Variants in CRHR1 observed in about 807,000 individuals in gnomAD.
CRHR1 encodes corticotropin-releasing hormone receptor 1.
In CRHR1, 28 loss-of-function variants were observed where a neutral mutation model predicts 56.0. The observed-to-expected ratio is 0.50, with a 90% CI of 0.37 to 0.69. CRHR1 has a LOEUF of 0.69. Among genes scored for constraint, CRHR1 ranks in the 30% least tolerant of loss-of-function variants. The pLI is 0.00. For synonymous variants in CRHR1, 195 were observed against 216.5 expected, an observed-to-expected ratio of 0.90 and a Z score of 0.87; for missense variants, 376 against 548.0, an observed-to-expected ratio of 0.69 and a Z score of 3.13.
intron 5 of CRHR1, 76 bp from the exon 6 acceptor site, chr17:45,830,018 T>G (rs918130785): frequency 1.3e-6 from 2 of 1,595,558 alleles, no homozygotes; most frequent in Non-Finnish European, 1.7e-6. Context: ...ACATCTGGGC[T>G]GGGGTGATGG....
chr17:45,802,538 A>G (rs759708955), intron 1 of CRHR1, among the ~76,000 whole-genome samples: 7 of 152,222 alleles, frequency 4.6e-5, no homozygotes, highest in Non-Finnish European at 1.0e-4. Flanking sequence ...TCATGGAAGT[A>G]TGATTCAGGA....
At chr17:45,815,802 ACTCC>A (rs2061915555) in intron 2 of CRHR1, among the ~76,000 whole-genome samples, 1 of 151,026 alleles carries the variant, frequency 6.6e-6, no homozygotes, top group Admixed American at 6.6e-5. Flanking sequence ...TGTCCTTTCC[ACTCC>A]CCCAGATGGT....
chr17:45,829,448 A>T lies in CRHR1; in HGVS notation c.434+127A>T, dbSNP rs1284553593. 6.0e-6 allele frequency: 8 copies of T among 1,329,310 alleles called. No individual in the cohort carries two copies. In the South Asian group the frequency reaches 9.2e-5, roughly 15 times the overall value. The allele number at this position is 1,329,310 out of a possible 1,614,324, so 82.3% of individuals were successfully genotyped here. On this transcript the variant is annotated intron_variant, in intron 5 of 12. Transcript: ENST00000314537. ...GGGAGAGGGTGGCAGGGGCTGGCTT[A>T]TCTGAGAGTCTCAGGTCTCTGGGAA... is the stretch of plus-strand genomic sequence containing the variant.
At chr17:45,786,483 C>CT (rs997956745) in intron 1 of CRHR1, among the ~76,000 whole-genome samples, 1 of 152,080 alleles carries the variant, frequency 6.6e-6, no homozygotes, top group African/African-American at 2.4e-5. Context: ...TTTAGTCCTC[C>CT]TAACAGCCCT....
chr17:45,808,560 C>A (rs551640872), intron 2 of CRHR1, among the ~76,000 whole-genome samples: 1 of 152,312 alleles, frequency 6.6e-6, no homozygotes, highest in Non-Finnish European at 1.5e-5. Context: ...TTATGAGATT[C>A]AATGTACTAA....
chr17:45,824,320 G>A (rs1265242630), intron 4 of CRHR1, among the ~76,000 whole-genome samples: 6 of 152,226 alleles, frequency 3.9e-5, no homozygotes, highest in Non-Finnish European at 2.9e-5. Context: ...ATGGTGTCCA[G>A]GAGGCACAGC....
At chr17:45,797,283 C>CTTTTTTTTTTTTT (rs899983592) in intron 1 of CRHR1, among the ~76,000 whole-genome samples, 27 of 94,928 alleles carry the variant, frequency 2.8e-4, no homozygotes, top group South Asian at 3.6e-4. Flanking sequence ...TTCTTTCTTT[C>CTTTTTTTTTTTTT]TTTTTTTTTT....
rs544092721 is a variant in CRHR1 at position 45,819,374 on chromosome 17, G to T, written c.242-1981G>T. 2.3e-3 allele frequency among the ~76,000 whole-genome samples: 348 copies of T among 152,274 alleles called. 1 individual carries two copies. The highest frequency in any genetic ancestry group is 3.1e-3 in the Admixed American group (48 of 15,300). The stretch of plus-strand genomic sequence containing the variant: ...AGGTAGTGCCAGGATTTGATGCTAG[G>T]CTGTCTGGGTCCAGGGGCCACGCTC... On this transcript the variant is annotated intron_variant, in intron 3 of 12. Coordinates refer to ENST00000314537, the MANE Select transcript of CRHR1 (RefSeq NM_004382.5).
chr17:45,799,535 G>A (rs1221177826), intron 1 of CRHR1: 4 of 152,260 alleles, frequency 2.6e-5, no homozygotes, highest in Non-Finnish European at 5.9e-5. Flanking sequence ...GCAAAGCAGA[G>A]TCAGAAGGGT....
chr17:45,821,526 G>A, intron 4 of CRHR1, 86 bp downstream of exon 4: 1 of 1,250,018 alleles, frequency 8.0e-7, no homozygotes. Flanking sequence ...TGGAGTCAGG[G>A]AGCCAGAGGC....
chr17:45,822,876 T>C (rs1320080297), intron 4 of CRHR1, among the ~76,000 whole-genome samples: 1 of 145,180 alleles, frequency 6.9e-6, no homozygotes, highest in Non-Finnish European at 1.5e-5. Context: ...CCAAGTGCGG[T>C]GGCTCACGCC....
intron 4 of CRHR1, chr17:45,825,796 G>T (rs1042621050): frequency 6.6e-6 from 1 of 152,338 alleles, no homozygotes; most frequent in African/African-American, 2.4e-5. Context: ...CAGGGTAAGA[G>T]GAGTAGCTCT....
chr17:45,833,680 G>A, intron 10 of CRHR1, 34 bp from the exon 11 acceptor site: 1 of 1,601,062 alleles, frequency 6.2e-7, no homozygotes, highest in South Asian at 1.1e-5. Context: ...GGGGTGGGCT[G>A]TGACTCCGAG....
At chr17:45,827,236 C>G (rs549724826) in intron 4 of CRHR1, 1 of 152,428 alleles carries the variant, frequency 6.6e-6, no homozygotes, top group East Asian at 1.9e-4. Flanking sequence ...ACTCCAACCC[C>G]AAGGGCCCGG....
Position 45,830,952 on chromosome 17 carries a change from C to T in CRHR1, c.770+12C>T, listed in dbSNP as rs2062294780. 8 of 1,613,522 alleles carry T rather than the reference C, an allele frequency of 5.0e-6. No individual in the cohort carries two copies. In the African/African-American group the frequency reaches 6.7e-5, roughly 13 times the overall value. ...TACGACAATGAGAAGTAAGTCATCT[C>T]CTTTCCCTTCCTGACCCCAAGGTTT... On this transcript the variant is annotated intron_variant, in intron 8 of 12. Coordinates refer to ENST00000314537, the MANE Select transcript of CRHR1 (RefSeq NM_004382.5).
chr17:45,819,923 G>T (rs2062006613), intron 3 of CRHR1, among the ~76,000 whole-genome samples: 1 of 152,212 alleles, frequency 6.6e-6, no homozygotes, highest in Non-Finnish European at 1.5e-5. Flanking sequence ...GATGCTGCCA[G>T]CAGAGGCAGC....
intron 2 of CRHR1, among the ~76,000 whole-genome samples, chr17:45,811,592 GC>G: frequency 6.6e-6 from 1 of 152,196 alleles, no homozygotes; most frequent in East Asian, 1.9e-4. Flanking sequence ...GCGTCTACCT[GC>G]CCCGTGAATG....
Position 45,830,459 on chromosome 17 carries a change from G to A in CRHR1, c.598G>A (p.Val200Met). The stretch of plus-strand genomic sequence containing the variant: ...GACAGCCGCCTACAACTACTTCCAT[G>A]TGACCAACTTCTTCTGGATGTTCGG... ...LVTAAYNYFH[V>M]TNFFWMFGEG... The change falls in exon 7 of 13, where the codon GTG becomes ATG. Residue 200 changes from valine (V) to methionine (M), a missense_variant. By Grantham distance (21) the Val-to-Met change is conservative. This residue lies in a region of CRHR1 where 369 missense variants were observed against 519.5 expected (regional missense o/e 0.71). Coordinates refer to ENST00000314537, the MANE Select transcript of CRHR1 (RefSeq NM_004382.5). The A allele has an allele frequency of 6.2e-7, 1 of 1,613,628 alleles. No homozygotes were observed. The highest frequency in any genetic ancestry group is 8.5e-7 in the Non-Finnish European group (1 of 1,179,950).
chr17:45,829,152 T>C (rs2062234260), intron 4 of CRHR1, 63 bp from the exon 5 acceptor site: 1 of 1,301,606 alleles, frequency 7.7e-7, no homozygotes, highest in African/African-American at 1.5e-5. Context: ...CCCTAGGCGA[T>C]GTCCTCACAG....
Sources: allele counts gnomAD v4.1 joint callset (sites outside exome capture counted in the v4.1 genomes callset), GRCh38; gene constraint gnomAD v4.1.1; regional missense constraint gnomAD v4.1.1; transcripts MANE v1.5; gene names NCBI Gene and HGNC (gene_info 2026-07-23, HGNC 2026-07-21).